Variants in NKAIN3 observed in about 807,000 individuals in gnomAD.
NKAIN3 encodes sodium/potassium-transporting ATPase subunit beta-1-interacting protein 3.
In NKAIN3, 25 loss-of-function variants were observed where a neutral mutation model predicts 30.2. That is an observed-to-expected ratio of 0.83 (90% CI 0.60 to 1.16). The LOEUF (loss-of-function observed/expected upper bound fraction) is 1.16, where lower values mean the gene tolerates loss of function less well. Among genes scored for constraint, NKAIN3 ranks in the 50% most tolerant of loss-of-function variants. NKAIN3 has a pLI of 0.00. For missense variants in NKAIN3, 225 were observed against 254.1 expected (o/e 0.89, Z 0.78); for synonymous variants, 91 against 89.6 (o/e 1.02, Z -0.09).
At chr8:62,804,518 T>A (rs899600221) in intron 4 of NKAIN3, among the ~76,000 whole-genome samples, 8 of 152,138 alleles carry the variant, frequency 5.3e-5, no homozygotes, top group African/African-American at 1.9e-4. Flanking sequence ...ATAAATGTAA[T>A]CCAGCATATA....
At chr8:62,344,820 T>A (rs953281866) in intron 1 of NKAIN3, 4 of 428,014 alleles carry the variant, frequency 9.3e-6, no homozygotes, top group Non-Finnish European at 1.9e-5. Context: ...AATTTTAAAT[T>A]TTTTTCTTTC....
At chr8:62,619,095 A>G (rs900138668) in intron 3 of NKAIN3, among the ~76,000 whole-genome samples, 1 of 152,150 alleles carries the variant, frequency 6.6e-6, no homozygotes, top group African/African-American at 2.4e-5. Context: ...TAACCAGTGC[A>G]GTGTAACAGG....
At chr8:62,719,445 C>T (rs903940920) in intron 3 of NKAIN3, among the ~76,000 whole-genome samples, 2 of 152,180 alleles carry the variant, frequency 1.3e-5, no homozygotes, top group African/African-American at 4.8e-5. Context: ...TTTCTTGATG[C>T]TAAATTTGTG....
At chr8:62,818,408 A>G (rs1818751449) in intron 4 of NKAIN3, among the ~76,000 whole-genome samples, 1 of 152,160 alleles carries the variant, frequency 6.6e-6, no homozygotes, top group African/African-American at 2.4e-5. Flanking sequence ...CTGAGGAAAA[A>G]CAAATGATAT....
intron 1 of NKAIN3, among the ~76,000 whole-genome samples, chr8:62,294,819 A>G (rs1365350343): frequency 6.6e-6 from 1 of 152,184 alleles, no homozygotes; most frequent in African/African-American, 2.4e-5. Context: ...TACTGGGAAT[A>G]TAAGTGTGAG....
intron 4 of NKAIN3, among the ~76,000 whole-genome samples, chr8:62,771,412 T>G (rs1817005538): frequency 6.6e-6 from 1 of 152,062 alleles, no homozygotes; most frequent in Non-Finnish European, 1.5e-5. Context: ...CACTAAGCAG[T>G]TTCAATAATA....
chr8:62,641,329 C>T (rs990518944), intron 3 of NKAIN3, among the ~76,000 whole-genome samples: 14 of 152,110 alleles, frequency 9.2e-5, no homozygotes, highest in Non-Finnish European at 1.5e-5. Context: ...CACTCTATTG[C>T]TGTGTGTCTT....
intron 1 of NKAIN3, among the ~76,000 whole-genome samples, chr8:62,508,948 G>T (rs547555304): frequency 6.4e-5 from 9 of 139,618 alleles, no homozygotes; most frequent in African/African-American, 2.5e-4. Flanking sequence ...GTGTCTTTTG[G>T]GAATCCAGTG....
chr8:62,994,982 G>C (rs1804073129), intron 5 of NKAIN3, among the ~76,000 whole-genome samples: 1 of 152,160 alleles, frequency 6.6e-6, no homozygotes, highest in Non-Finnish European at 1.5e-5. Context: ...ATTGGAGTAG[G>C]ACTTTGATGA....
At chr8:62,863,513 T>G (rs1041396266) in intron 4 of NKAIN3, 1 of 1,460,370 alleles carries the variant, frequency 6.8e-7, no homozygotes, top group Non-Finnish European at 9.5e-7. Flanking sequence ...GAGGCCTTGA[T>G]AGTTGAACTT....
At chr8:62,845,478 G>C (rs1391076328) in intron 4 of NKAIN3, among the ~76,000 whole-genome samples, 2 of 151,566 alleles carry the variant, frequency 1.3e-5, no homozygotes, top group African/African-American at 4.8e-5. Flanking sequence ...CTGTCCAGGA[G>C]CAGTGGTGAA....
At chr8:62,291,723 G>T (rs532092557) in intron 1 of NKAIN3, among the ~76,000 whole-genome samples, 3 of 152,182 alleles carry the variant, frequency 2.0e-5, no homozygotes, top group Non-Finnish European at 4.4e-5. Context: ...GTTGATTTGG[G>T]GTGGAGAGTT....
chr8:62,622,590 T>C (rs1290397782), intron 3 of NKAIN3, among the ~76,000 whole-genome samples: 3 of 152,022 alleles, frequency 2.0e-5, no homozygotes, highest in Non-Finnish European at 4.4e-5. Flanking sequence ...ATGCTTCTTC[T>C]TGTCTTTTGC....
rs146242935 is a variant in NKAIN3, at chr8:62,971,643, C to CGG, written c.*6243_*6244dup. Reference sequence around the variant, plus strand: ...GCCAAACCTTGTCTCAAAAAAAAAGCGGGGGGGGCTTCATTTATTAGTAAG... The same window carrying CGG: ...GCCAAACCTTGTCTCAAAAAAAAAGCGGGGGGGGGGCTTCATTTATTAGTAAG... On this transcript the variant is annotated 3_prime_UTR_variant, in exon 7 of 7. Coordinates refer to ENST00000623646, the MANE Select transcript of NKAIN3 (RefSeq NM_001304533.3). Among the ~76,000 whole-genome samples the CGG allele has an allele frequency of 4.2e-4, 64 of 150,590 alleles. No homozygotes were observed. In the East Asian group the frequency reaches 4.6e-3, roughly 11 times the overall value.
At chr8:62,813,032 T>G (rs892404571) in intron 4 of NKAIN3, among the ~76,000 whole-genome samples, 9 of 151,926 alleles carry the variant, frequency 5.9e-5, no homozygotes, top group Admixed American at 3.9e-4. Flanking sequence ...GTTTATTAAT[T>G]GAAGGCCTAA....
chr8:62,302,484 A>G (rs1415115205), intron 1 of NKAIN3, among the ~76,000 whole-genome samples: 1 of 152,078 alleles, frequency 6.6e-6, no homozygotes. Context: ...ATCAATAACA[A>G]AGACAGTATA....
intron 1 of NKAIN3, among the ~76,000 whole-genome samples, chr8:62,446,962 T>C (rs1805504937): frequency 2.0e-5 from 3 of 152,058 alleles, no homozygotes; most frequent in African/African-American, 7.2e-5. Flanking sequence ...ATGATTTGAG[T>C]ACCTAAAACA....
At chr8:62,819,133 TTA>T (rs71559380) in intron 4 of NKAIN3, among the ~76,000 whole-genome samples, 50 of 98,668 alleles carry the variant, frequency 5.1e-4, no homozygotes, top group South Asian at 7.4e-4. Context: ...AGAATTATCG[TTA>T]TATATATATA....
intron 1 of NKAIN3, among the ~76,000 whole-genome samples, chr8:62,492,072 G>A (rs1190821608): frequency 6.6e-6 from 1 of 152,102 alleles, no homozygotes; most frequent in African/African-American, 2.4e-5. Flanking sequence ...ATAGAAGCTG[G>A]AATGCAATCC....
Sources: allele counts gnomAD v4.1 joint callset (sites outside exome capture counted in the v4.1 genomes callset), GRCh38; gene constraint gnomAD v4.1.1; transcripts MANE v1.5; gene names NCBI Gene and HGNC (gene_info 2026-07-23, HGNC 2026-07-21).